Variants in RERE observed in about 807,000 individuals in gnomAD.
The protein encoded by RERE is arginine-glutamic acid dipeptide repeats protein.
RERE carries 40 observed loss-of-function variants against 146.1 expected under a neutral mutation model. That is an observed-to-expected ratio of 0.27 (90% CI 0.21 to 0.36). RERE has a LOEUF of 0.36. Ranked by LOEUF, RERE falls within the 10% of genes least tolerant of loss-of-function variation. The pLI is 1.00. For synonymous variants in RERE, 1,003 were observed against 866.0 expected, an observed-to-expected ratio of 1.16 and a Z score of -2.78; for missense variants, 1,933 against 2,138.7, an observed-to-expected ratio of 0.90 and a Z score of 1.90.
chr1:8,416,448 T>C (rs925995834), intron 12 of RERE, among the ~76,000 whole-genome samples: 9 of 151,402 alleles, frequency 5.9e-5, no homozygotes, highest in Non-Finnish European at 7.4e-5. Context: ...TAGCCAGGCG[T>C]GGTGGCGGGC....
At chr1:8,549,622 T>C (rs1645909767) in intron 6 of RERE, among the ~76,000 whole-genome samples, 1 of 152,192 alleles carries the variant, frequency 6.6e-6, no homozygotes, top group Non-Finnish European at 1.5e-5. Context: ...TTTAAGGAGA[T>C]AAATGATTTG....
chr1:8,501,469 C>G (rs1645153763), intron 8 of RERE, among the ~76,000 whole-genome samples: 1 of 94,284 alleles, frequency 1.1e-5, no homozygotes, highest in South Asian at 3.4e-4. Context: ...AGTGAGGAGC[C>G]CCTCTGCCCG....
intron 10 of RERE, among the ~76,000 whole-genome samples, chr1:8,475,670 G>A (rs1644746736): frequency 6.6e-6 from 1 of 150,966 alleles, no homozygotes; most frequent in African/African-American, 2.4e-5. Flanking sequence ...CGAAAAGAGT[G>A]AGACTCTGTC....
chr1:8,463,808 T>C lies in RERE; in HGVS notation c.1203+2117A>G, dbSNP rs186157436. On this transcript the variant is annotated intron_variant, in intron 11 of 22. Coordinates refer to ENST00000400908, the MANE Select transcript of RERE (RefSeq NM_001042681.2). Reference sequence around the variant, plus strand: ...GGAGATGGCCAGGAACTGAGGGAAATGCAGAAGCAGAAGCAGCCATGGATT... The same window carrying C: ...GGAGATGGCCAGGAACTGAGGGAAACGCAGAAGCAGAAGCAGCCATGGATT... 2.3e-3 allele frequency among the ~76,000 whole-genome samples: 344 copies of C among 152,008 alleles called. 2 individuals carry two copies. Among genetic ancestry groups the C allele is most frequent in the South Asian group, 0.02 (95 of 4,814 alleles).
chr1:8,559,604 T>C (rs1646054245), intron 4 of RERE, among the ~76,000 whole-genome samples: 1 of 152,124 alleles, frequency 6.6e-6, no homozygotes, highest in South Asian at 2.1e-4. Context: ...TGTAGCAGTT[T>C]AGAGAAATAA....
At chr1:8,566,659 T>C (rs184167526) in intron 4 of RERE, among the ~76,000 whole-genome samples, 1 of 151,944 alleles carries the variant, frequency 6.6e-6, no homozygotes, top group East Asian at 1.9e-4. Context: ...AAAACAAAAA[T>C]TAAATGGGAC....
intron 4 of RERE, among the ~76,000 whole-genome samples, chr1:8,578,110 C>CG (rs888652011): frequency 9.2e-5 from 14 of 151,442 alleles, no homozygotes; most frequent in South Asian, 4.2e-4. Flanking sequence ...AAAAAAAGGG[C>CG]GGGGGGGAGA....
chr1:8,770,170 G>T (rs941923126), intron 1 of RERE, among the ~76,000 whole-genome samples: 1 of 152,058 alleles, frequency 6.6e-6, no homozygotes, highest in Non-Finnish European at 1.5e-5. Flanking sequence ...CAAAAGTTCT[G>T]TAACACAAAG....
intron 2 of RERE, among the ~76,000 whole-genome samples, chr1:8,650,665 G>A (rs894473912): frequency 5.9e-5 from 9 of 152,190 alleles, no homozygotes; most frequent in East Asian, 1.9e-4. Flanking sequence ...TTAGGAGGCC[G>A]GGGCGGGCAG....
chr1:8,585,795 A>C (rs1203025413), intron 4 of RERE, among the ~76,000 whole-genome samples: 1 of 152,224 alleles, frequency 6.6e-6, no homozygotes, highest in Admixed American at 6.5e-5. Context: ...TCCTATATAA[A>C]TTGTGCAACT....
intron 7 of RERE, among the ~76,000 whole-genome samples, chr1:8,521,227 C>G (rs866431738): frequency 1.7e-4 from 24 of 139,960 alleles, no homozygotes; most frequent in African/African-American, 6.4e-4. Flanking sequence ...AACATAAACA[C>G]TCAAAGAGAG....
intron 4 of RERE, among the ~76,000 whole-genome samples, chr1:8,598,699 C>A (rs1463793141): frequency 6.6e-6 from 1 of 152,238 alleles, no homozygotes; most frequent in Non-Finnish European, 1.5e-5. Flanking sequence ...ACCCTCTCCC[C>A]TCCATGCCAG....
intron 11 of RERE, among the ~76,000 whole-genome samples, chr1:8,431,353 G>C (rs1208644694): frequency 6.6e-6 from 1 of 152,184 alleles, no homozygotes. Flanking sequence ...TGGGTTGCGT[G>C]CTTCTTTTGA....
intron 8 of RERE, among the ~76,000 whole-genome samples, chr1:8,507,728 A>G (rs1434368664): frequency 6.1e-5 from 5 of 81,950 alleles, no homozygotes; most frequent in Non-Finnish European, 8.9e-5. Context: ...GGTTTTAAAC[A>G]TCTTTTATCT....
At chr1:8,604,627 A>C in intron 4 of RERE, among the ~76,000 whole-genome samples, 1 of 120,082 alleles carries the variant, frequency 8.3e-6, no homozygotes, top group Non-Finnish European at 1.7e-5. Flanking sequence ...GGAGGGAGGA[A>C]GGAAGGAAGG....
chr1:8,556,719 T>A, intron 5 of RERE, 148 bp from the exon 6 acceptor site: 2 of 571,794 alleles, frequency 3.5e-6, no homozygotes, highest in Non-Finnish European at 6.3e-6. Context: ...AGAAGAGGAA[T>A]CATAAATTGC....
intron 1 of RERE, among the ~76,000 whole-genome samples, chr1:8,736,212 TGTTTGTTTTTTGGAGACA>T (rs973465974): frequency 1.3e-5 from 2 of 151,760 alleles, no homozygotes; most frequent in Non-Finnish European, 2.9e-5. Context: ...TTTGTTTGTT[TGTTTGTTTTTTGGAGACA>T]GAGTCTTGCT....
intron 2 of RERE, among the ~76,000 whole-genome samples, chr1:8,634,318 A>T (rs1420722634): frequency 6.6e-6 from 1 of 152,212 alleles, no homozygotes; most frequent in Non-Finnish European, 1.5e-5. Flanking sequence ...AAATGAGAGC[A>T]ATTTCTCCCC....
chr1:8,496,709 C>T (rs1485713386), intron 9 of RERE, among the ~76,000 whole-genome samples: 1 of 152,162 alleles, frequency 6.6e-6, no homozygotes, highest in Admixed American at 6.6e-5. Context: ...AGCGAATTCA[C>T]ACTTCTCTCT....
Sources: gnomAD v4.1 joint callset for allele counts (sites outside exome capture counted in the v4.1 genomes callset) on GRCh38, gnomAD v4.1.1 for gene constraint, MANE v1.5 for transcripts, NCBI Gene and HGNC (gene_info 2026-07-23, HGNC 2026-07-21) for gene names.